FAM78B: variants seen among roughly 807,000 people sequenced by gnomAD.
FAM78B encodes family with sequence similarity 78 member B, also known as protein FAM78B.
Under a neutral mutation model 20.0 loss-of-function variants are expected in FAM78B, and 10 were observed. The observed-to-expected ratio is 0.50, with a 90% CI of 0.31 to 0.85. The LOEUF is 0.85. Among genes scored for constraint, FAM78B ranks in the 40% least tolerant of loss-of-function variants. The probability of loss-of-function intolerance (pLI) is 0.05; values close to 1 mark genes in which losing one functional copy is unlikely to be tolerated. For synonymous variants in FAM78B, 135 were observed against 132.8 expected (o/e 1.02, Z -0.12); for missense variants, 283 against 345.0 (o/e 0.82, Z 1.42).
chr1:166,120,121 T>C (rs1335937926), intron 1 of FAM78B, among the ~76,000 whole-genome samples: 3 of 152,242 alleles, frequency 2.0e-5, no homozygotes, highest in Admixed American at 6.5e-5. Context: ...AATAAAGTCC[T>C]TGTCTTTACA....
intron 1 of FAM78B, among the ~76,000 whole-genome samples, chr1:166,133,489 T>C (rs775366585): frequency 7.2e-5 from 11 of 152,088 alleles, no homozygotes; most frequent in Non-Finnish European, 8.8e-5. Flanking sequence ...ATGTCTTTGC[T>C]TCATGTGGGG....
intron 1 of FAM78B, among the ~76,000 whole-genome samples, chr1:166,150,347 GC>G (rs1655629161): frequency 1.3e-5 from 2 of 152,152 alleles, no homozygotes; most frequent in East Asian, 3.9e-4. Context: ...TAGGCAGCTT[GC>G]TTTGAAAGAC....
At chr1:166,159,458 C>T (rs536495910) in intron 1 of FAM78B, among the ~76,000 whole-genome samples, 2 of 152,174 alleles carry the variant, frequency 1.3e-5, no homozygotes, top group African/African-American at 4.8e-5. Flanking sequence ...GAATGCAGTA[C>T]GAATTAGAAG....
chr1:166,101,486 T>A (rs1175676102), intron 1 of FAM78B, among the ~76,000 whole-genome samples: 1 of 152,034 alleles, frequency 6.6e-6, no homozygotes, highest in African/African-American at 2.4e-5. Flanking sequence ...AATGGCTAAC[T>A]AGAATAACCA....
At chr1:166,162,772 C>T (rs1288037550) in intron 1 of FAM78B, among the ~76,000 whole-genome samples, 1 of 152,092 alleles carries the variant, frequency 6.6e-6, no homozygotes, top group African/African-American at 2.4e-5. Flanking sequence ...ACCTTTCAAA[C>T]CTCATCTCCT....
At chr1:166,119,673 T>C (rs1483050912) in intron 1 of FAM78B, among the ~76,000 whole-genome samples, 2 of 152,206 alleles carry the variant, frequency 1.3e-5, no homozygotes, top group Admixed American at 1.3e-4. Flanking sequence ...CATTTCCACT[T>C]CTATTACACA....
downstream of FAM78B, among the ~76,000 whole-genome samples, chr1:166,067,665 T>C (rs536292616): frequency 1.9e-4 from 29 of 152,242 alleles, no homozygotes; most frequent in South Asian, 8.3e-4. Flanking sequence ...CATTTCCTTG[T>C]AAAACAACAG....
At chr1:166,150,587 A>G (rs1655636565) in intron 1 of FAM78B, among the ~76,000 whole-genome samples, 1 of 152,232 alleles carries the variant, frequency 6.6e-6, no homozygotes, top group Admixed American at 6.5e-5. Context: ...CTCAAAATGT[A>G]CAAAGTAAAA....
intron 1 of FAM78B, among the ~76,000 whole-genome samples, chr1:166,151,325 G>A (rs1240611833): frequency 1.3e-5 from 2 of 152,206 alleles, no homozygotes; most frequent in Non-Finnish European, 2.9e-5. Flanking sequence ...AGGATGGCAT[G>A]AAAACATTCC....
At chr1:166,083,317 G>A (rs1652656026) in intron 1 of FAM78B, among the ~76,000 whole-genome samples, 2 of 151,972 alleles carry the variant, frequency 1.3e-5, no homozygotes, top group Admixed American at 6.6e-5. Context: ...GAATTACATA[G>A]AATGAATATG....
At chr1:166,079,439 A>G (rs2101721253) in intron 1 of FAM78B, among the ~76,000 whole-genome samples, 1 of 152,310 alleles carries the variant, frequency 6.6e-6, no homozygotes, top group African/African-American at 2.4e-5. Context: ...TTCCAAGGGC[A>G]GTCCACTCCA....
rs1213847889 is a variant in FAM78B at position 166,069,359 on chromosome 1, C to T, written c.*882G>A. ...TCTTGAACCTTACATGGATTCATGG[C>T]TCATAACTTTTTAAATATAAATTTA... is the stretch of plus-strand genomic sequence containing the variant. On this transcript the variant is annotated 3_prime_UTR_variant, in exon 2 of 2. Coordinates refer to ENST00000354422, the MANE Select transcript of FAM78B (RefSeq NM_001017961.5). 6.6e-6 allele frequency among the ~76,000 whole-genome samples: 1 copy of T among 152,146 alleles called. No individual in the cohort carries two copies. Among genetic ancestry groups the T allele is most frequent in the African/African-American group, 2.4e-5 (1 of 41,418 alleles).
intron 2 of FAM78B, among the ~76,000 whole-genome samples, chr1:166,061,288 G>C (rs989354818): frequency 2.0e-5 from 3 of 152,162 alleles, no homozygotes; most frequent in Non-Finnish European, 4.4e-5. Context: ...AACATATGAA[G>C]ATAGTTGCTC....
intron 1 of FAM78B, among the ~76,000 whole-genome samples, chr1:166,095,675 G>T (rs184988572): frequency 6.6e-6 from 1 of 152,134 alleles, no homozygotes; most frequent in East Asian, 1.9e-4. Flanking sequence ...TGCCAAAAAG[G>T]GGGCAGGAGG....
At chr1:166,103,873 T>A (rs1653650540) in intron 1 of FAM78B, among the ~76,000 whole-genome samples, 2 of 152,166 alleles carry the variant, frequency 1.3e-5, no homozygotes, top group African/African-American at 4.8e-5. Flanking sequence ...ATCATCCTGA[T>A]ACCAAAGCCT....
rs138446083 is a variant in FAM78B, at chr1:166,157,121, TC to T, written c.263+8864del. Among the ~76,000 whole-genome samples the T allele has an allele frequency of 2.3e-3, 321 of 141,828 alleles. 1 individual carries two copies. The highest frequency in any genetic ancestry group is 7.8e-3 in the African/African-American group (304 of 38,900). The allele number at this position is 141,828 out of a possible 152,430, so 93.0% of individuals were successfully genotyped here. ...AGATGTACAGAGCAAGCCTTTCTCC[TC>T]CCCTCTATCTTTGAGTGGGTTTGTA... On this transcript the variant is annotated intron_variant, in intron 1 of 1. Coordinates refer to ENST00000354422, the MANE Select transcript of FAM78B (RefSeq NM_001017961.5).
intron 1 of FAM78B, among the ~76,000 whole-genome samples, chr1:166,159,115 T>C (rs1291219818): frequency 6.6e-6 from 1 of 152,220 alleles, no homozygotes; most frequent in Non-Finnish European, 1.5e-5. Flanking sequence ...CTAGGCTTCC[T>C]TGCAAGAAGC....
intron 1 of FAM78B, among the ~76,000 whole-genome samples, chr1:166,161,767 G>A (rs959343220): frequency 5.9e-5 from 9 of 152,312 alleles, no homozygotes; most frequent in Admixed American, 5.2e-4. Context: ...TGGAGGTGTT[G>A]TTTACTAAGA....
downstream of FAM78B, among the ~76,000 whole-genome samples, chr1:166,066,756 A>G (rs971874407): frequency 6.1e-5 from 9 of 146,918 alleles, no homozygotes; most frequent in Non-Finnish European, 1.4e-4. Flanking sequence ...CTTTTGACCT[A>G]TGAGATTATC....
Sources: gnomAD v4.1 joint callset for allele counts (sites outside exome capture counted in the v4.1 genomes callset) on GRCh38, gnomAD v4.1.1 for gene constraint, MANE v1.5 for transcripts, NCBI Gene and HGNC (gene_info 2026-07-23, HGNC 2026-07-21) for gene names.